Variants in CPB2 observed in about 807,000 individuals in gnomAD.
CPB2 encodes carboxypeptidase B-like protein.
CPB2 carries 54 observed loss-of-function variants against 57.0 expected under a neutral mutation model. That is an observed-to-expected ratio of 0.95 (90% CI 0.76 to 1.19). The LOEUF (loss-of-function observed/expected upper bound fraction) is 1.19, where lower values mean the gene tolerates loss of function less well. Among genes scored for constraint, CPB2 ranks in the 50% most tolerant of loss-of-function variants. The pLI is 0.00. For missense variants in CPB2, 426 were observed against 512.0 expected, an observed-to-expected ratio of 0.83 and a Z score of 1.62; for synonymous variants, 189 against 178.1, an observed-to-expected ratio of 1.06 and a Z score of -0.49.
intron 4 of CPB2, among the ~76,000 whole-genome samples, chr13:46,081,817 G>C (rs1032181311): frequency 6.6e-6 from 1 of 152,110 alleles, no homozygotes; most frequent in Non-Finnish European, 1.5e-5. Context: ...CAAATACAGG[G>C]AATGGCTTTT....
At chr13:46,102,244 A>C (rs2045443462) in intron 1 of CPB2, among the ~76,000 whole-genome samples, 1 of 152,176 alleles carries the variant, frequency 6.6e-6, no homozygotes, top group African/African-American at 2.4e-5. Context: ...CTTTCCAAAT[A>C]GTCTGGGCTG....
In CPB2 at chr13:46,073,916, C is replaced by G. The variant is rs766017165; in HGVS notation, c.548G>C (p.Arg183Thr). 6.3e-7 allele frequency: 1 copy of G among 1,591,410 alleles called. No individual in the cohort carries two copies. The highest frequency in any genetic ancestry group is 1.7e-5 in the Admixed American group (1 of 59,774). Residue 183 changes from arginine (R) to threonine (T), a missense_variant, in exon 6 of 11, where the codon AGA (arginine) becomes ACA (threonine). Transcript: ENST00000181383. The stretch of plus-strand genomic sequence containing the variant: ...GCAGAAAGCAGGAGAGATCCATTCT[C>G]TGGCATGGATTCCACAGTCAATCCA... ...AIWIDCGIHAREWISPAFCLW... is the reference protein window; with the variant it reads ...AIWIDCGIHATEWISPAFCLW...
At chr13:46,077,738 G>A (rs2045045291) in intron 5 of CPB2, among the ~76,000 whole-genome samples, 1 of 152,138 alleles carries the variant, frequency 6.6e-6, no homozygotes, top group African/African-American at 2.4e-5. Flanking sequence ...ATGTGGATAT[G>A]CATGTGGAAA....
Position 46,084,044 on chromosome 13 carries a change from A to G in CPB2, c.275+175T>C, listed in dbSNP as rs181145148. ...CATGAGGGGTTGAACCATTTATCCAAGATCACAGAGCTGGACCTTAGGCTT... is the reference window on the plus strand; with the variant it reads ...CATGAGGGGTTGAACCATTTATCCAGGATCACAGAGCTGGACCTTAGGCTT... On this transcript the variant is annotated intron_variant, in intron 3 of 10. Coordinates refer to ENST00000181383, the MANE Select transcript of CPB2 (RefSeq NM_001872.5). 1.3e-4 allele frequency among the ~76,000 whole-genome samples: 20 copies of G among 152,324 alleles called. No homozygotes were observed. The East Asian group carries it at 3.1e-3, about 23-fold the overall frequency.
intron 1 of CPB2, among the ~76,000 whole-genome samples, chr13:46,089,417 T>G (rs1449044766): frequency 2.0e-5 from 3 of 152,072 alleles, no homozygotes; most frequent in Non-Finnish European, 2.9e-5. Context: ...AGAGTAGGTG[T>G]GTCTTCATGT....
intron 1 of CPB2, among the ~76,000 whole-genome samples, chr13:46,103,547 A>G (rs2045461571): frequency 6.6e-6 from 1 of 152,200 alleles, no homozygotes; most frequent in Admixed American, 6.5e-5. Context: ...ATTCTTCCTG[A>G]GGCTCAGTTT....
chr13:46,095,030 A>G (rs1004054191), intron 1 of CPB2: 2 of 152,136 alleles, frequency 1.3e-5, no homozygotes, highest in African/African-American at 2.4e-5. Flanking sequence ...GGAAAGGGTA[A>G]TACTCAAATA....
At chr13:46,097,052 C>G (rs2045376375) in intron 1 of CPB2, 1 of 152,204 alleles carries the variant, frequency 6.6e-6, no homozygotes, top group Non-Finnish European at 1.5e-5. Flanking sequence ...GTGAATGGAA[C>G]TATGAGAGTG....
chr13:46,083,810 A>C (rs541071510), intron 3 of CPB2, among the ~76,000 whole-genome samples: 74 of 152,218 alleles, frequency 4.9e-4, no homozygotes, highest in Non-Finnish European at 9.7e-4. Flanking sequence ...AAAGCCAGAC[A>C]TTCAGAAATG....
chr13:46,053,868 GA>G (rs2044632303), intron 10 of CPB2, 70 bp from the exon 11 acceptor site: 2 of 1,450,928 alleles, frequency 1.4e-6, no homozygotes, highest in Non-Finnish European at 1.9e-6. Context: ...GGAATTGTTT[GA>G]TTTAAATGTT....
At chr13:46,094,376 T>A (rs1406466985) in intron 1 of CPB2, among the ~76,000 whole-genome samples, 1 of 152,146 alleles carries the variant, frequency 6.6e-6, no homozygotes, top group Non-Finnish European at 1.5e-5. Flanking sequence ...GTAGCATGGG[T>A]GAGTGCACCT....
chr13:46,055,410 G>T (rs1233971095), intron 10 of CPB2, among the ~76,000 whole-genome samples: 1 of 152,176 alleles, frequency 6.6e-6, no homozygotes, highest in Non-Finnish European at 1.5e-5. Flanking sequence ...CTAGATTAGT[G>T]TAGTGTACAA....
chr13:46,080,578 G>A (rs1203944993), intron 4 of CPB2, among the ~76,000 whole-genome samples: 2 of 152,124 alleles, frequency 1.3e-5, no homozygotes, highest in Non-Finnish European at 2.9e-5. Flanking sequence ...TCAACATGAG[G>A]CCCTTAGAGT....
chr13:46,057,104 G>A (rs1485272197), intron 9 of CPB2, among the ~76,000 whole-genome samples: 2 of 151,386 alleles, frequency 1.3e-5, no homozygotes, highest in Non-Finnish European at 2.9e-5. Flanking sequence ...CATTGACAAG[G>A]TATTTTACAC....
intron 6 of CPB2, among the ~76,000 whole-genome samples, chr13:46,069,702 T>A (rs1339782350): frequency 6.6e-6 from 1 of 152,242 alleles, no homozygotes. Context: ...TGATTGATGT[T>A]TCATTGCATG....
chr13:46,075,457 A>G (rs910056606), intron 5 of CPB2, among the ~76,000 whole-genome samples: 2 of 152,212 alleles, frequency 1.3e-5, no homozygotes, highest in African/African-American at 2.4e-5. Context: ...ACCATCCAGA[A>G]TGCATGATTT....
rs1391295237 is a variant in CPB2 at position 46,092,285 on chromosome 13, G to C, written c.75-4465C>G. On this transcript the variant is annotated intron_variant, in intron 1 of 10. Coordinates refer to ENST00000181383, the MANE Select transcript of CPB2 (RefSeq NM_001872.5). The stretch of plus-strand genomic sequence containing the variant: ...ATGACTAAATGCAACATGGTGTTCT[G>C]GATTAGATCTCGGAACAGAAAAAGA... 2.6e-5 allele frequency among the ~76,000 whole-genome samples: 4 copies of C among 152,032 alleles called. No individual in the cohort carries two copies. In the East Asian group the frequency reaches 7.7e-4, roughly 29 times the overall value.
intron 5 of CPB2, 58 bp from the exon 6 acceptor site, chr13:46,074,035 A>G: frequency 4.1e-6 from 4 of 984,204 alleles, no homozygotes; most frequent in Admixed American, 1.9e-5. Context: ...CAGGATAATA[A>G]CTTTCATTTA....
chr13:46,091,918 T>C (rs1214672035), intron 1 of CPB2, among the ~76,000 whole-genome samples: 1 of 152,244 alleles, frequency 6.6e-6, no homozygotes, highest in Non-Finnish European at 1.5e-5. Flanking sequence ...GATTGTGGAC[T>C]CTGTTAACGG....
Sources: gnomAD v4.1 joint callset for allele counts (sites outside exome capture counted in the v4.1 genomes callset) on GRCh38, gnomAD v4.1.1 for gene constraint, MANE v1.5 for transcripts, NCBI Gene and HGNC (gene_info 2026-07-23, HGNC 2026-07-21) for gene names.